Variants in MPDZ observed in about 807,000 individuals in gnomAD.
MPDZ encodes multiple PDZ domain crumbs cell polarity complex component, also known as multiple PDZ domain protein.
In MPDZ, 234 loss-of-function variants were observed where a neutral mutation model predicts 239.1. The ratio of observed to expected loss-of-function variants is 0.98; its 90% confidence interval spans 0.88 to 1.09. MPDZ has a LOEUF of 1.09. Ranked by LOEUF, MPDZ falls within the 50% of genes least tolerant of loss-of-function variation. The probability of loss-of-function intolerance (pLI) is 0.00; values close to 1 mark genes in which losing one functional copy is unlikely to be tolerated. For synonymous variants in MPDZ, 1,048 were observed against 881.3 expected, an observed-to-expected ratio of 1.19 and a Z score of -3.35; for missense variants, 3,175 against 2,510.0, an observed-to-expected ratio of 1.26 and a Z score of -5.66.
chr9:13,227,086 G>A lies in MPDZ; in HGVS notation c.184-2503C>T, dbSNP rs10960972. Reference sequence around the variant, plus strand: ...AGATATCATTTAAAATAAAACATTAGGTAAAGAACATCCACTGACAGAAGC... The same window carrying A: ...AGATATCATTTAAAATAAAACATTAAGTAAAGAACATCCACTGACAGAAGC... On this transcript the variant is annotated intron_variant, in intron 3 of 46. Transcript: ENST00000319217. 1.3e-3 allele frequency among the ~76,000 whole-genome samples: 200 copies of A among 151,806 alleles called. 2 individuals carry two copies. The East Asian group carries it at 0.033, about 25-fold the overall frequency.
At chr9:13,158,994 T>C (rs1363122382) in intron 23 of MPDZ, among the ~76,000 whole-genome samples, 3 of 152,144 alleles carry the variant, frequency 2.0e-5, no homozygotes, top group Non-Finnish European at 2.9e-5. Context: ...GAGAAGGCTA[T>C]AAAAACTCTG....
At chr9:13,123,382 A>C in intron 35 of MPDZ, 84 bp from the exon 36 acceptor site, 1 of 1,213,350 alleles carries the variant, frequency 8.2e-7, no homozygotes, top group Non-Finnish European at 1.2e-6. Context: ...ATTGACTCTG[A>C]GGGATGGGGC....
At chr9:13,147,082 GATACACAA>G (rs1394040621) in intron 26 of MPDZ, among the ~76,000 whole-genome samples, 1 of 151,916 alleles carries the variant, frequency 6.6e-6, no homozygotes, top group African/African-American at 2.4e-5. Context: ...CGTTCAGTGG[GATACACAA>G]ATACATGAAC....
intron 22 of MPDZ, 50 bp downstream of exon 22, chr9:13,168,316 T>A (rs368467805): frequency 1.3e-6 from 2 of 1,524,414 alleles, no homozygotes; most frequent in African/African-American, 2.7e-5. Flanking sequence ...TTCTGATTAA[T>A]TGAAATTCCT....
At chr9:13,133,494 G>A (rs1946303949) in intron 32 of MPDZ, among the ~76,000 whole-genome samples, 1 of 152,138 alleles carries the variant, frequency 6.6e-6, no homozygotes. Flanking sequence ...CAGGACCTTA[G>A]TGAAGGAATC....
At position 13,264,868 on chromosome 9, in the gene MPDZ, C is replaced by T. The variant is rs1285601402; in HGVS notation, c.-57-14496G>A. On this transcript the variant is annotated intron_variant, in intron 1 of 46. Transcript: ENST00000319217. Reference sequence around the variant, plus strand: ...AGTTCTGAGAATTAAGATTTGGCCTCTTCTGTTCTCTCACTCCTTAGTTAG... The same window carrying T: ...AGTTCTGAGAATTAAGATTTGGCCTTTTCTGTTCTCTCACTCCTTAGTTAG... 9.9e-5 allele frequency among the ~76,000 whole-genome samples: 15 copies of T among 152,188 alleles called. 1 individual carries two copies. The highest frequency in any genetic ancestry group is 2.2e-4 in the Non-Finnish European group (15 of 68,044).
intron 19 of MPDZ, among the ~76,000 whole-genome samples, chr9:13,179,959 C>T (rs1229779923): frequency 6.6e-6 from 1 of 152,056 alleles, no homozygotes; most frequent in Non-Finnish European, 1.5e-5. Context: ...ACCAAAGCTG[C>T]TCCAACTGTC....
chr9:13,279,305 C>A (rs1247339668), intron 1 of MPDZ, 95 bp downstream of exon 1: 2 of 122,168 alleles, frequency 1.6e-5, no homozygotes, highest in African/African-American at 5.5e-5. Flanking sequence ...CCCCAAGCGC[C>A]GAGCCCAGGG....
In MPDZ at chr9:13,121,958, T is replaced by C. The variant is rs780681381; in HGVS notation, c.5038-26A>G. 1.5e-5 allele frequency: 24 copies of C among 1,607,452 alleles called. No homozygotes were observed. The South Asian group carries it at 1.5e-4, about 10-fold the overall frequency. On this transcript the variant is annotated intron_variant, in intron 37 of 46. Coordinates refer to ENST00000319217, the MANE Select transcript of MPDZ (RefSeq NM_001378778.1). ...CTGTACAGAAATGGGACACTGACTG[T>C]AAGGAACATGAGAAGTAAAGGAGAG...
Position 13,136,325 on chromosome 9 carries a change from CTTTTTTT to C in MPDZ, c.4293-150_4293-144del, listed in dbSNP as rs869272418. On this transcript the variant is annotated intron_variant, in intron 30 of 46. Transcript: ENST00000319217. ...ACACTTACAAATTTACAAACGTTTT[CTTTTTTT>C]TTTTTTTTTTTTTTTTTGAGACAGA... 1.3e-3 allele frequency: 208 copies of C among 156,660 alleles called. 1 individual carries two copies. The highest frequency in any genetic ancestry group is 0.013 in the East Asian group (58 of 4,616). The allele number at this position is 156,660 out of a possible 1,614,324, so 9.7% of individuals were successfully genotyped here. A position where few individuals can be genotyped will look rare whatever the true frequency, so the allele number is the denominator to read the frequency against.
intron 10 of MPDZ, among the ~76,000 whole-genome samples, chr9:13,206,504 G>T (rs896961206): frequency 6.6e-6 from 1 of 151,206 alleles, no homozygotes; most frequent in African/African-American, 2.4e-5. Flanking sequence ...TCCTCTCATC[G>T]TATCTTCCCA....
chr9:13,235,704 T>G (rs1013174325), intron 3 of MPDZ, among the ~76,000 whole-genome samples: 10 of 152,196 alleles, frequency 6.6e-5, no homozygotes, highest in Non-Finnish European at 2.9e-5. Flanking sequence ...AGAATGCTGA[T>G]GGAGTCATTT....
chr9:13,190,179 CA>C lies in MPDZ; in HGVS notation c.2088del (p.Gly697AlafsTer5). On this transcript the variant is annotated frameshift_variant, in exon 16 of 47. Coordinates refer to ENST00000319217, the MANE Select transcript of MPDZ (RefSeq NM_001378778.1). LOFTEE classifies it high-confidence loss of function. ...TTCTCCAGCTCTATGTGCTGAATGC[CA>C]GCCTCCCACATGGCCAAAGGTGCTT... ...EVQAPLAMWE[A>X]GIQHIELEKG... is the part of the protein sequence containing the mutation. 6.2e-7 allele frequency: 1 copy of C among 1,613,244 alleles called. No individual in the cohort carries two copies. The highest frequency in any genetic ancestry group is 8.5e-7 in the Non-Finnish European group (1 of 1,179,528).
chr9:13,240,670 G>A (rs1182797478), intron 3 of MPDZ, among the ~76,000 whole-genome samples: 1 of 149,206 alleles, frequency 6.7e-6, no homozygotes, highest in Non-Finnish European at 1.5e-5. Flanking sequence ...ATAATTGTGT[G>A]GGTCAGATTA....
chr9:13,244,528 G>A (rs1256612786), intron 3 of MPDZ, among the ~76,000 whole-genome samples: 1 of 152,048 alleles, frequency 6.6e-6, no homozygotes, highest in African/African-American at 2.4e-5. Flanking sequence ...CTTTTAGCTG[G>A]CGTTAGAACA....
At chr9:13,135,432 C>A (rs898174638) in intron 31 of MPDZ, 1 of 152,136 alleles carries the variant, frequency 6.6e-6, no homozygotes, top group Non-Finnish European at 1.5e-5. Context: ...AGTTCAGGTC[C>A]TTGTTAACTG....
chr9:13,139,477 C>A (rs1947319826), intron 28 of MPDZ, among the ~76,000 whole-genome samples: 1 of 152,122 alleles, frequency 6.6e-6, no homozygotes, highest in South Asian at 2.1e-4. Context: ...GAGGGGAGAA[C>A]TCCATTTTAA....
intron 3 of MPDZ, among the ~76,000 whole-genome samples, chr9:13,233,846 C>G (rs983130673): frequency 6.6e-6 from 1 of 152,132 alleles, no homozygotes; most frequent in African/African-American, 2.4e-5. Flanking sequence ...ATGCAGAGCA[C>G]AGGAACTAAA....
At chr9:13,207,293 A>T (rs1005750475) in intron 10 of MPDZ, among the ~76,000 whole-genome samples, 1 of 152,170 alleles carries the variant, frequency 6.6e-6, no homozygotes, top group African/African-American at 2.4e-5. Context: ...TCTCTTCTAC[A>T]GAAAACTCCT....
Sources: gnomAD v4.1 joint callset for allele counts (sites outside exome capture counted in the v4.1 genomes callset) on GRCh38, gnomAD v4.1.1 for gene constraint, MANE v1.5 for transcripts, NCBI Gene and HGNC (gene_info 2026-07-23, HGNC 2026-07-21) for gene names.